TTLL1: variants seen among roughly 807,000 people sequenced by gnomAD.
TTLL1 encodes the protein TTL family tubulin polyglutamylase complex subunit L1, also known as polyglutamylase complex subunit TTLL1.
In TTLL1, 33 loss-of-function variants were observed where a neutral mutation model predicts 47.8. The observed-to-expected ratio is 0.69, with a 90% CI of 0.52 to 0.92. TTLL1 has a LOEUF of 0.92. Ranked by LOEUF, TTLL1 falls within the 40% of genes least tolerant of loss-of-function variation. The pLI is 0.00. For missense variants in TTLL1, 488 were observed against 547.5 expected, an observed-to-expected ratio of 0.89 and a Z score of 1.08; for synonymous variants, 225 against 214.1, an observed-to-expected ratio of 1.05 and a Z score of -0.45.
chr22:43,088,129 G>C lies in TTLL1; in HGVS notation c.-90+1148C>G, dbSNP rs891761708. 2.0e-5 allele frequency among the ~76,000 whole-genome samples: 3 copies of C among 151,864 alleles called. No individual in the cohort carries two copies. The East Asian group carries it at 5.9e-4, about 30-fold the overall frequency. ...ACCGCACTCCAGCCTGGGCAACAAA[G>C]CAAGACTCCGTCTAAAAATAAATAA... On this transcript the variant is annotated intron_variant, in intron 1 of 10. Transcript: ENST00000266254.
intron 2 of TTLL1, among the ~76,000 whole-genome samples, chr22:43,078,690 T>C (rs182864995): frequency 6.6e-6 from 1 of 152,126 alleles, no homozygotes; most frequent in Admixed American, 6.5e-5. Context: ...ACAGGGTCAA[T>C]GAGCAATAAA....
intron 10 of TTLL1, among the ~76,000 whole-genome samples, chr22:43,045,719 C>A (rs367586445): frequency 1.3e-5 from 2 of 151,960 alleles, no homozygotes; most frequent in Admixed American, 1.3e-4. Context: ...CCAGGTGACC[C>A]GTGAGAAACA....
chr22:43,052,035 T>A (rs963500705), intron 8 of TTLL1, 148 bp from the exon 9 acceptor site: 25 of 685,168 alleles, frequency 3.6e-5, no homozygotes, highest in South Asian at 1.5e-4. Context: ...CCTTCCCTCC[T>A]CTCCCTCTTC....
At chr22:43,051,378 G>A (rs1601662471) in intron 9 of TTLL1, among the ~76,000 whole-genome samples, 2 of 152,362 alleles carry the variant, frequency 1.3e-5, no homozygotes, top group East Asian at 3.9e-4. Context: ...ATATGCCAAA[G>A]AAGAGCAGGG....
At chr22:43,064,546 G>A (rs1485024303) in intron 5 of TTLL1, among the ~76,000 whole-genome samples, 1 of 151,838 alleles carries the variant, frequency 6.6e-6, no homozygotes, top group Non-Finnish European at 1.5e-5. Context: ...TCAACACGGT[G>A]AAACCCCGTC....
chr22:43,077,304 C>T lies in TTLL1; in HGVS notation c.-4-1714G>A, dbSNP rs1051369528. Among the ~76,000 whole-genome samples the T allele has an allele frequency of 3.9e-5, 6 of 152,272 alleles. No individual in the cohort carries two copies. In the South Asian group the frequency reaches 1.0e-3, roughly 26 times the overall value. ...TGCCACAGGCCTCGCACACACTGGG[C>T]CCCTCCGCCTGCAGCATGCTGCCCT... is the stretch of plus-strand genomic sequence containing the variant. On this transcript the variant is annotated intron_variant, in intron 2 of 10. Coordinates refer to ENST00000266254, the MANE Select transcript of TTLL1 (RefSeq NM_012263.5).
At chr22:43,052,965 C>T (rs912540553) in intron 8 of TTLL1, among the ~76,000 whole-genome samples, 1 of 151,846 alleles carries the variant, frequency 6.6e-6, no homozygotes, top group African/African-American at 2.4e-5. Flanking sequence ...GAGGCTGAGA[C>T]AGGAGAATCC....
intron 7 of TTLL1, among the ~76,000 whole-genome samples, chr22:43,062,491 T>TAA (rs1218241432): frequency 0.048 from 6,065 of 126,276 alleles, 356 homozygotes; most frequent in African/African-American, 0.14. Flanking sequence ...CTCTGTCTCT[T>TAA]AAAAAAAAAA....
chr22:43,072,737 G>C (rs1330141390), intron 3 of TTLL1, among the ~76,000 whole-genome samples: 1 of 152,160 alleles, frequency 6.6e-6, no homozygotes, highest in Admixed American at 6.5e-5. Flanking sequence ...CTCCCAAAAG[G>C]CTGGGATTAC....
intron 4 of TTLL1, 21 bp from the exon 5 acceptor site, chr22:43,068,611 G>A (rs951627039): frequency 4.2e-6 from 6 of 1,433,298 alleles, no homozygotes; most frequent in Non-Finnish European, 5.6e-6. Context: ...AAGACACCCA[G>A]CACTGGTAAG....
chr22:43,086,676 G>A (rs149772325), intron 1 of TTLL1, among the ~76,000 whole-genome samples: 1 of 152,206 alleles, frequency 6.6e-6, no homozygotes, highest in Admixed American at 6.5e-5. Context: ...GGGAAGGAAG[G>A]GATGGTTAAT....
At chr22:43,085,930 C>T (rs571246162) in intron 1 of TTLL1, among the ~76,000 whole-genome samples, 4 of 152,164 alleles carry the variant, frequency 2.6e-5, no homozygotes, top group African/African-American at 9.7e-5. Flanking sequence ...TGACTCGTGT[C>T]TGTTCTCATG....
chr22:43,048,494 C>T (rs982550189), intron 9 of TTLL1, among the ~76,000 whole-genome samples: 1 of 146,924 alleles, frequency 6.8e-6, no homozygotes, highest in Non-Finnish European at 1.5e-5. Flanking sequence ...AAAAAATTAT[C>T]TGGGAAGAGT....
chr22:43,070,833 G>A (rs1473466449), intron 3 of TTLL1, among the ~76,000 whole-genome samples: 4 of 151,970 alleles, frequency 2.6e-5, no homozygotes, highest in African/African-American at 4.8e-5. Flanking sequence ...ATTCTCTAAC[G>A]GTTCAAGACT....
intron 5 of TTLL1, among the ~76,000 whole-genome samples, chr22:43,067,651 C>T (rs1015546473): frequency 6.6e-6 from 1 of 152,060 alleles, no homozygotes; most frequent in African/African-American, 2.4e-5. Context: ...TAAAAGCAAG[C>T]ATGGGCTGTG....
At chr22:43,076,778 A>G (rs1928528197) in intron 2 of TTLL1, among the ~76,000 whole-genome samples, 1 of 149,220 alleles carries the variant, frequency 6.7e-6, no homozygotes, top group African/African-American at 2.5e-5. Flanking sequence ...AATAAATCAA[A>G]TAAAATAAAA....
chr22:43,068,941 G>C (rs915907584), intron 4 of TTLL1, among the ~76,000 whole-genome samples: 3 of 152,142 alleles, frequency 2.0e-5, no homozygotes, highest in African/African-American at 7.2e-5. Context: ...AAACTATTCA[G>C]TCCAGCTTTT....
intron 1 of TTLL1, among the ~76,000 whole-genome samples, chr22:43,085,939 T>G (rs1929202015): frequency 6.6e-6 from 1 of 152,162 alleles, no homozygotes. Context: ...TCTGTTCTCA[T>G]GTCGGGCACG....
At chr22:43,086,614 G>T (rs5751430) in intron 1 of TTLL1, among the ~76,000 whole-genome samples, 9 of 151,972 alleles carry the variant, frequency 5.9e-5, no homozygotes, top group Admixed American at 5.9e-4. Context: ...AAGCTGTAAG[G>T]CCTGCCTGCA....
Sources: gnomAD v4.1 joint callset for allele counts (sites outside exome capture counted in the v4.1 genomes callset) on GRCh38, gnomAD v4.1.1 for gene constraint, MANE v1.5 for transcripts, NCBI Gene and HGNC (gene_info 2026-07-23, HGNC 2026-07-21) for gene names.